IZUMO2: variants seen among roughly 807,000 people sequenced by gnomAD.
IZUMO2 encodes IZUMO family member 2.
IZUMO2 carries 24 observed loss-of-function variants against 31.2 expected under a neutral mutation model. The ratio of observed to expected loss-of-function variants is 0.77; its 90% CI spans 0.56 to 1.08. The LOEUF (loss-of-function observed/expected upper bound fraction) is 1.08. IZUMO2 is among the 50% of genes least tolerant of loss of function. The probability of loss-of-function intolerance (pLI) is 0.00; values close to 1 mark genes in which losing one functional copy is unlikely to be tolerated. For synonymous variants in IZUMO2, 144 were observed against 117.3 expected (o/e 1.23, Z -1.47); for missense variants, 278 against 274.0 (o/e 1.01, Z -0.10).
At chr19:50,159,452 AG>A in intron 3 of IZUMO2, 41 bp downstream of exon 3, 1 of 1,435,300 alleles carries the variant, frequency 7.0e-7, no homozygotes, top group Non-Finnish European at 9.8e-7. Context: ...CAAGAGGTCA[AG>A]GGAGAAGAGG....
chr19:50,160,962 G>C (rs564924865), intron 2 of IZUMO2, among the ~76,000 whole-genome samples: 2 of 152,096 alleles, frequency 1.3e-5, no homozygotes, highest in African/African-American at 4.8e-5. Context: ...GGATGTCTAA[G>C]AGGCATCTCA....
rs188960125 is a variant in IZUMO2 at position 50,158,406 on chromosome 19, G to A, written c.416-58C>T. ...GGCAGATATCAGAGGACCGGCAAGG[G>A]TGGAAAGGAAGAAGGAGAAAGAGGA... On this transcript the variant is annotated intron_variant, in intron 4 of 6. Coordinates refer to ENST00000293405, the MANE Select transcript of IZUMO2 (RefSeq NM_152358.3). The A allele has an allele frequency of 3.2e-5, 38 of 1,184,218 alleles. No homozygotes were observed. The East Asian group carries it at 8.8e-4, about 27-fold the overall frequency. 73.4% of individuals were successfully genotyped at this position (1,184,218 alleles called of 1,614,324 possible).
intron 6 of IZUMO2, among the ~76,000 whole-genome samples, chr19:50,154,017 G>A (rs1253680412): frequency 1.4e-5 from 2 of 140,980 alleles, no homozygotes; most frequent in Non-Finnish European, 3.1e-5. Context: ...CTGGGGGGGA[G>A]GGGGAGGGCA....
At chr19:50,158,514 A>G (rs1160884231) in intron 4 of IZUMO2, among the ~76,000 whole-genome samples, 166 bp from the exon 5 acceptor site, 4 of 152,246 alleles carry the variant, frequency 2.6e-5, no homozygotes, top group Non-Finnish European at 5.9e-5. Flanking sequence ...GACAATTCAC[A>G]TAAAAAATAA....
chr19:50,155,862 C>T (rs1390861570), intron 5 of IZUMO2, among the ~76,000 whole-genome samples: 2 of 152,196 alleles, frequency 1.3e-5, no homozygotes, highest in Admixed American at 6.5e-5. Context: ...CCACGTGACC[C>T]GGCCATTGTT....
intron 2 of IZUMO2, among the ~76,000 whole-genome samples, chr19:50,162,077 G>C (rs1184629774): frequency 2.6e-5 from 4 of 152,180 alleles, no homozygotes; most frequent in Admixed American, 2.0e-4. Context: ...GAGGTCAGAA[G>C]TTTGAGAACA....
Position 50,163,254 on chromosome 19 carries a change from C to A in IZUMO2, c.-60G>T. On this transcript the variant is annotated 5_prime_UTR_variant, in exon 1 of 7. Coordinates refer to ENST00000293405, the MANE Select transcript of IZUMO2 (RefSeq NM_152358.3). ...GCCCGCCCCGCCTCCCAGGCGAGGG[C>A]GCGGTCAGGAGGCCCAGGGAGCATC... The A allele has an allele frequency of 1.5e-6, 2 of 1,354,816 alleles. No homozygotes were observed. The highest frequency in any genetic ancestry group is 2.0e-6 in the Non-Finnish European group (2 of 982,314). The allele number at this position is 1,354,816 out of a possible 1,614,324, so 83.9% of individuals were successfully genotyped here. A position where few individuals can be genotyped will look rare whatever the true frequency, so the allele number is the denominator to read the frequency against.
chr19:50,161,793 G>T (rs957751020), intron 2 of IZUMO2, among the ~76,000 whole-genome samples: 14 of 151,950 alleles, frequency 9.2e-5, no homozygotes, highest in Non-Finnish European at 2.1e-4. Flanking sequence ...TTGCTATTCC[G>T]TGGTCCCTGC....
At chr19:50,162,176 G>A (rs1290920037) in intron 2 of IZUMO2, among the ~76,000 whole-genome samples, 3 of 152,084 alleles carry the variant, frequency 2.0e-5, no homozygotes, top group Admixed American at 6.6e-5. Context: ...CCAGCTACTC[G>A]GGAGGCTGAG....
intron 5 of IZUMO2, among the ~76,000 whole-genome samples, chr19:50,157,507 T>G (rs1470499138): frequency 6.6e-6 from 1 of 151,236 alleles, no homozygotes; most frequent in Admixed American, 6.6e-5. Context: ...TTTCACTATG[T>G]TGGCCAGGCT....
chr19:50,160,193 A>G lies in IZUMO2; in HGVS notation c.308-613T>C, dbSNP rs1011139330. On this transcript the variant is annotated intron_variant, in intron 2 of 6. Transcript: ENST00000293405. ...ACTCACTCCTTCATGATTTCAATCC[A>G]TATGGCTTTATATATTACCTAGACG... The G allele has an allele frequency of 3.3e-5, 5 of 152,976 alleles. No homozygotes were observed. The East Asian group carries it at 7.7e-4, about 24-fold the overall frequency. 9.5% of individuals were successfully genotyped at this position (152,976 alleles called of 1,614,324 possible).
chr19:50,161,205 A>G (rs1056746717), intron 2 of IZUMO2, among the ~76,000 whole-genome samples: 3 of 141,234 alleles, frequency 2.1e-5, no homozygotes, highest in African/African-American at 7.9e-5. Flanking sequence ...GCTCACCGCA[A>G]CCTCCGCCTC....
intron 5 of IZUMO2, among the ~76,000 whole-genome samples, chr19:50,155,856 G>C (rs1410957979): frequency 6.6e-6 from 1 of 152,124 alleles, no homozygotes; most frequent in African/African-American, 2.4e-5. Flanking sequence ...TGGTTCCCAC[G>C]TGACCCGGCC....
rs371089173 is a variant in IZUMO2 at position 50,157,334 on chromosome 19, G to A, written c.496+934C>T. 3.7e-3 allele frequency among the ~76,000 whole-genome samples: 525 copies of A among 143,788 alleles called. 3 individuals carry two copies. The highest frequency in any genetic ancestry group is 0.013 in the African/African-American group (506 of 38,728). 94.3% of individuals were successfully genotyped at this position (143,788 alleles called of 152,430 possible). A position where few individuals can be genotyped will look rare whatever the true frequency, so the allele number is the denominator to read the frequency against. On this transcript the variant is annotated intron_variant, in intron 5 of 6. Transcript: ENST00000293405. ...TTTTTTTTTTTTGAGATGGAGTCTC[G>A]CATTGTCACCCAAGCTGGAGTGCAA... is the stretch of plus-strand genomic sequence containing the variant.
At chr19:50,155,364 C>A (rs2030180004) in intron 5 of IZUMO2, among the ~76,000 whole-genome samples, 2 of 152,148 alleles carry the variant, frequency 1.3e-5, no homozygotes, top group Admixed American at 1.3e-4. Flanking sequence ...TGCCACTGCA[C>A]CCCAGCCTGG....
chr19:50,159,617 A>G, intron 2 of IZUMO2, 37 bp from the exon 3 acceptor site: 1 of 1,372,108 alleles, frequency 7.3e-7, no homozygotes, highest in Non-Finnish European at 1.0e-6. Context: ...GGTGGGAGGC[A>G]CCCAGAAAGC....
At position 50,163,261 on chromosome 19, in the gene IZUMO2, AG is replaced by A; in HGVS notation, c.-68del. The A allele has an allele frequency of 2.5e-6, 3 of 1,188,752 alleles. No individual in the cohort carries two copies. Among genetic ancestry groups the A allele is most frequent in the Non-Finnish European group, 3.6e-6 (3 of 831,846 alleles). The allele number at this position is 1,188,752 out of a possible 1,614,324, so 73.6% of individuals were successfully genotyped here. On this transcript the variant is annotated 5_prime_UTR_variant, in exon 1 of 7. The change abolishes the stop of an existing upstream ORF in the 5' untranslated region. Coordinates refer to ENST00000293405, the MANE Select transcript of IZUMO2 (RefSeq NM_152358.3). ...CCGCCTCCCAGGCGAGGGCGCGGTC[AG>A]GAGGCCCAGGGAGCATCACGGTGTT...
At chr19:50,154,952 C>T (rs73580324) in intron 5 of IZUMO2, among the ~76,000 whole-genome samples, 68 of 152,232 alleles carry the variant, frequency 4.5e-4, no homozygotes, top group African/African-American at 1.6e-3. Flanking sequence ...GGGATATAGC[C>T]GGGAACCAAA....
intron 5 of IZUMO2, among the ~76,000 whole-genome samples, chr19:50,155,981 T>C (rs144024053): frequency 2.4e-4 from 37 of 152,298 alleles, no homozygotes; most frequent in South Asian, 1.9e-3. Context: ...CCCTCTGTCA[T>C]TGACACTGTT....
Sources: gnomAD v4.1 joint callset for allele counts (sites outside exome capture counted in the v4.1 genomes callset) on GRCh38, gnomAD v4.1.1 for gene constraint, MANE v1.5 for transcripts, NCBI Gene and HGNC (gene_info 2026-07-23, HGNC 2026-07-21) for gene names.